Variants in SLC7A1 observed in about 807,000 individuals in gnomAD.
SLC7A1 encodes the protein solute carrier family 7 member 1.
Under a neutral mutation model 53.9 loss-of-function variants are expected in SLC7A1, and 10 were observed. The observed-to-expected ratio is 0.19, with a 90% CI of 0.11 to 0.31. SLC7A1 has a LOEUF of 0.31. Among genes scored for constraint, SLC7A1 ranks in the 10% least tolerant of loss-of-function variants. The probability of loss-of-function intolerance (pLI) is 1.00; values close to 1 mark genes in which losing one functional copy is unlikely to be tolerated. For synonymous variants in SLC7A1, 342 were observed against 338.7 expected (o/e 1.01, Z -0.11); for missense variants, 525 against 827.2 (o/e 0.63, Z 4.48).
chr13:29,517,292 A>G lies in SLC7A1; in HGVS notation c.1529T>C (p.Phe510Ser). 6.2e-7 allele frequency: 1 copy of G among 1,612,480 alleles called. No individual in the cohort carries two copies. The highest frequency in any genetic ancestry group is 8.5e-7 in the Non-Finnish European group (1 of 1,179,446). ...CCTTCCAAGCACGGTCACAATGCAG[A>G]AGGTGATGATGAGAACAGCTAAGGG... Reference protein sequence around the residue: ...TSLIAVLIITFCIVTVLGREA... With the variant: ...TSLIAVLIITSCIVTVLGREA... The change falls in exon 11 of 13, where the codon TTC becomes TCC. Residue 510 changes from phenylalanine (F) to serine (S), a missense_variant. Phe to Ser is a radical substitution (Grantham distance 155). Around this residue, in one of 4 missense-constraint regions of SLC7A1, gnomAD observed 122 missense variants for 140.9 expected, o/e 0.87. Coordinates refer to ENST00000380752, the MANE Select transcript of SLC7A1 (RefSeq NM_003045.5).
At position 29,517,262 on chromosome 13, in the gene SLC7A1, G is replaced by C; in HGVS notation, c.1559C>G (p.Ala520Gly). 2.5e-6 allele frequency: 4 copies of C among 1,613,412 alleles called. No homozygotes were observed. The highest frequency in any genetic ancestry group is 3.4e-6 in the Non-Finnish European group (4 of 1,179,740). Residue 520 changes from alanine (A) to glycine (G), a missense_variant, in exon 11 of 13, where the codon GCT becomes GGT. This residue lies in a region of SLC7A1 where 122 missense variants were observed against 140.9 expected (regional missense o/e 0.87). Transcript: ENST00000380752. ...TGCCCACAGCGCCCCTTTGGTGAGA[G>C]CCTCCCTTCCAAGCACGGTCACAAT... ...FCIVTVLGRE[A>G]LTKGALWAVF...
intron 1 of SLC7A1, among the ~76,000 whole-genome samples, chr13:29,568,512 C>T (rs1871060903): frequency 1.3e-5 from 2 of 152,176 alleles, no homozygotes; most frequent in South Asian, 4.1e-4. Context: ...TCCTAATACA[C>T]ATTAGAACTC....
At chr13:29,536,976 G>A (rs1173231458) in intron 2 of SLC7A1, among the ~76,000 whole-genome samples, 1 of 152,214 alleles carries the variant, frequency 6.6e-6, no homozygotes, top group Non-Finnish European at 1.5e-5. Flanking sequence ...TGCCCCATTA[G>A]GGCCCAGGAC....
At chr13:29,515,781 C>T (rs375056771) in intron 12 of SLC7A1, among the ~76,000 whole-genome samples, 61 of 152,250 alleles carry the variant, frequency 4.0e-4, no homozygotes, top group African/African-American at 1.4e-3. Context: ...GACATCCACC[C>T]TGCCTGGGCC....
chr13:29,523,694 T>A (rs1451342534), intron 6 of SLC7A1, among the ~76,000 whole-genome samples: 1 of 152,212 alleles, frequency 6.6e-6, no homozygotes, highest in Non-Finnish European at 1.5e-5. Flanking sequence ...AGACAGCCCA[T>A]GGCCCTGCAA....
At chr13:29,567,569 C>A (rs1871021879) in intron 1 of SLC7A1, among the ~76,000 whole-genome samples, 1 of 152,236 alleles carries the variant, frequency 6.6e-6, no homozygotes, top group Admixed American at 6.5e-5. Flanking sequence ...GGCTTGGCCG[C>A]AGCCTTTTCT....
In SLC7A1 at chr13:29,536,142, C is replaced by T. The variant is rs1461120496; in HGVS notation, c.47G>A (p.Arg16Gln). 22 of 1,613,864 alleles carry T rather than the reference C, an allele frequency of 1.4e-5. No individual in the cohort carries two copies. The highest frequency in any genetic ancestry group is 1.5e-5 in the Non-Finnish European group (18 of 1,180,012). The part of the protein sequence containing the change: ...LLNIGQQMLR[R>Q]KVVDCSREET... ...CTCCCGGCTACAGTCCACCACCTTCCGCCGCAGCATCTGCTGCCCAATGTT... is the reference window on the plus strand; with the variant it reads ...CTCCCGGCTACAGTCCACCACCTTCTGCCGCAGCATCTGCTGCCCAATGTT... The change falls in exon 3 of 13, where the codon CGG becomes CAG. Residue 16 changes from arginine (R) to glutamine (Q), a missense_variant. Arg to Gln is a conservative substitution (Grantham distance 43, BLOSUM62 1). This residue lies in a region of SLC7A1 where 354 missense variants were observed against 587.5 expected (regional missense o/e 0.60). Transcript: ENST00000380752.
intron 3 of SLC7A1, 86 bp from the exon 4 acceptor site, chr13:29,533,068 T>C (rs1869246634): frequency 2.3e-5 from 31 of 1,342,258 alleles, no homozygotes; most frequent in Non-Finnish European, 2.9e-5. Flanking sequence ...GATAACATCA[T>C]TGCAGGAGTC....
chr13:29,515,230 G>A (rs2139064566), intron 12 of SLC7A1, among the ~76,000 whole-genome samples: 1 of 152,366 alleles, frequency 6.6e-6, no homozygotes, highest in Non-Finnish European at 1.5e-5. Context: ...AGGAGCTCAG[G>A]CTCCTGCACA....
chr13:29,517,928 G>T (rs993015762), intron 9 of SLC7A1, 138 bp from the exon 10 acceptor site: 5 of 680,970 alleles, frequency 7.3e-6, no homozygotes, highest in African/African-American at 3.6e-5. Context: ...GTCAAATGCT[G>T]CATTGTAGAT....
chr13:29,588,590 G>A (rs1242361382), intron 1 of SLC7A1, among the ~76,000 whole-genome samples: 3 of 145,940 alleles, frequency 2.1e-5, no homozygotes, highest in South Asian at 2.2e-4. Context: ...TGCAACCTCC[G>A]CCTCCCGGGT....
At chr13:29,534,177 C>A (rs1276873163) in intron 3 of SLC7A1, among the ~76,000 whole-genome samples, 3 of 152,212 alleles carry the variant, frequency 2.0e-5, no homozygotes, top group African/African-American at 7.2e-5. Context: ...CTCCCAATTT[C>A]TGAATTATGC....
In SLC7A1 at chr13:29,511,349, A is replaced by G. The variant is rs1460295001; in HGVS notation, c.*3131T>C. 2 of 152,178 alleles carry G rather than the reference A, an allele frequency of 1.3e-5. No homozygotes were observed. Among genetic ancestry groups the G allele is most frequent in the Non-Finnish European group, 2.9e-5 (2 of 68,072 alleles). The allele number at this position is 152,178 out of a possible 1,614,324, so 9.4% of individuals were successfully genotyped here. A position where few individuals can be genotyped will look rare whatever the true frequency, so the allele number is the denominator to read the frequency against. Reference sequence around the variant, plus strand: ...GGAAAGAGTTTTTACTGCTGCAAAAACCAAAAGTGGGGGGAGATCTCAGCA... The same window carrying G: ...GGAAAGAGTTTTTACTGCTGCAAAAGCCAAAAGTGGGGGGAGATCTCAGCA... On this transcript the variant is annotated 3_prime_UTR_variant, in exon 13 of 13. Coordinates refer to ENST00000380752, the MANE Select transcript of SLC7A1 (RefSeq NM_003045.5).
rs550654454 is a variant in SLC7A1 at position 29,511,960 on chromosome 13, G to A, written c.*2520C>T. 2 of 127,400 alleles carry A rather than the reference G, an allele frequency of 1.6e-5. No homozygotes were observed. Among genetic ancestry groups the A allele is most frequent in the Admixed American group, 1.5e-4 (2 of 13,242 alleles). 7.9% of individuals were successfully genotyped at this position (127,400 alleles called of 1,614,324 possible). ...TTTGGGCAAGGGAACTAAGAGATGT[G>A]AAACTATCATTTTTTTTTTGCTTGT... is the stretch of plus-strand genomic sequence containing the variant. On this transcript the variant is annotated 3_prime_UTR_variant, in exon 13 of 13. Coordinates refer to ENST00000380752, the MANE Select transcript of SLC7A1 (RefSeq NM_003045.5).
At chr13:29,555,300 G>A (rs1022584291) in intron 1 of SLC7A1, among the ~76,000 whole-genome samples, 5 of 119,790 alleles carry the variant, frequency 4.2e-5, no homozygotes, top group African/African-American at 1.5e-4. Flanking sequence ...GGAGCTTGCA[G>A]TGAGCCGAGA....
At chr13:29,570,067 C>A (rs1004358765) in intron 1 of SLC7A1, among the ~76,000 whole-genome samples, 1 of 152,342 alleles carries the variant, frequency 6.6e-6, no homozygotes, top group Non-Finnish European at 1.5e-5. Context: ...AATCACATTA[C>A]CTGGGTGGGC....
rs762911932 is a variant in SLC7A1, at chr13:29,583,922, AAAAC to A, written c.-115+11490_-115+11493del. The stretch of plus-strand genomic sequence containing the variant: ...GAAATGTCTTCCAACAAAAGTTAAA[AAAAC>A]AAACAAACAAACAAAAAACCTAGCT... On this transcript the variant is annotated intron_variant, in intron 1 of 12. Transcript: ENST00000380752. Among the ~76,000 whole-genome samples the A allele has an allele frequency of 4.6e-5, 7 of 152,334 alleles. No homozygotes were observed. The East Asian group carries it at 1.4e-3, about 29-fold the overall frequency.
Position 29,565,357 on chromosome 13 carries a change from G to C in SLC7A1, c.-114-11497C>G, listed in dbSNP as rs936224637. ...GATGGCCAGCAGAGAGAGAAAGGAG[G>C]CCTGGGGAGTACTTCAGGGCAGGGC... On this transcript the variant is annotated intron_variant, in intron 1 of 12. Transcript: ENST00000380752. Among the ~76,000 whole-genome samples, 8 of 152,194 alleles carry C rather than the reference G, an allele frequency of 5.3e-5. No individual in the cohort carries two copies. In the South Asian group the frequency reaches 1.4e-3, roughly 28 times the overall value.
chr13:29,522,142 G>T (rs968089711), intron 8 of SLC7A1, among the ~76,000 whole-genome samples, 175 bp downstream of exon 8: 1 of 152,218 alleles, frequency 6.6e-6, no homozygotes, highest in Non-Finnish European at 1.5e-5. Flanking sequence ...ACGGGCCTCT[G>T]CCTTTTGTCA....
Sources: gnomAD v4.1 joint callset for allele counts (sites outside exome capture counted in the v4.1 genomes callset) on GRCh38, gnomAD v4.1.1 for gene constraint, gnomAD v4.1.1 regional missense constraint, MANE v1.5 for transcripts, NCBI Gene and HGNC (gene_info 2026-07-23, HGNC 2026-07-21) for gene names.